Variants in AP2B1 observed in about 807,000 individuals in gnomAD.
AP2B1 encodes the protein AP-2 complex subunit beta.
A neutral mutation model predicts 102.0 loss-of-function variants in AP2B1; 23 were observed. The ratio of observed to expected loss-of-function variants is 0.23; its 90% CI spans 0.16 to 0.32. AP2B1 has a LOEUF of 0.32. AP2B1 is among the 10% of genes least tolerant of loss of function. The probability of loss-of-function intolerance (pLI) is 1.00; values close to 1 mark genes in which losing one functional copy is unlikely to be tolerated. For synonymous variants in AP2B1, 381 were observed against 421.2 expected (o/e 0.90, Z 1.17); for missense variants, 541 against 1,157.4 (o/e 0.47, Z 7.73).
intron 1 of AP2B1, chr17:35,587,973 T>C (rs1464832505): frequency 1.3e-5 from 2 of 152,104 alleles, no homozygotes; most frequent in Admixed American, 1.3e-4. Flanking sequence ...AGAAGAGGCA[T>C]TCCTTACTCT....
intron 18 of AP2B1, among the ~76,000 whole-genome samples, chr17:35,707,242 T>C (rs1185069462): frequency 6.6e-6 from 1 of 150,508 alleles, no homozygotes; most frequent in Non-Finnish European, 1.5e-5. Context: ...CAGCCTTGCC[T>C]CCCAGGTTCA....
chr17:35,658,632 A>C (rs1398416272), intron 14 of AP2B1, among the ~76,000 whole-genome samples: 1 of 152,206 alleles, frequency 6.6e-6, no homozygotes. Context: ...AGACCCTTGC[A>C]AAAGAGATTT....
chr17:35,664,548 T>G (rs1458585001), intron 14 of AP2B1, among the ~76,000 whole-genome samples: 1 of 152,214 alleles, frequency 6.6e-6, no homozygotes, highest in Non-Finnish European at 1.5e-5. Flanking sequence ...CCTAATAAAA[T>G]GATTCACTTC....
chr17:35,624,468 G>A lies in AP2B1; in HGVS notation c.597G>A (p.Leu199=), dbSNP rs141661445. The A allele has an allele frequency of 9.0e-3, 14,547 of 1,614,120 alleles. 78 individuals are homozygous for A. The highest frequency in any genetic ancestry group is 0.011 in the Non-Finnish European group (13,144 of 1,179,996). ...ACCCAAACAGCAACTTACTTGATCTGAACCCACAGAACATTAATAAGCTGC... is the reference window on the plus strand; with the variant it reads ...ACCCAAACAGCAACTTACTTGATCTAAACCCACAGAACATTAATAAGCTGC... ...ESHPNSNLLD[L]NPQNINKLLT... The change falls in exon 6 of 22, where the codon CTG becomes CTA. Residue 199 remains leucine (L), a synonymous_variant. Transcript: ENST00000610402.
At chr17:35,649,936 T>G (rs886461254) in intron 12 of AP2B1, among the ~76,000 whole-genome samples, 2 of 151,798 alleles carry the variant, frequency 1.3e-5, no homozygotes, top group Non-Finnish European at 2.9e-5. Flanking sequence ...GCCCTGATAA[T>G]TTTTGTACTT....
rs868155969 is a variant in AP2B1 at position 35,701,017 on chromosome 17, G to A, written c.2455-8207G>A. 6.6e-5 allele frequency among the ~76,000 whole-genome samples: 10 copies of A among 152,188 alleles called. No individual in the cohort carries two copies. The South Asian group carries it at 1.9e-3, about 28-fold the overall frequency. The stretch of plus-strand genomic sequence containing the variant: ...ATCTTCTTGGTACCATCTGTGATCT[G>A]CTTTGGGCATTCTCAAAGCAGAAGC... On this transcript the variant is annotated intron_variant, in intron 18 of 21. Transcript: ENST00000610402.
intron 14 of AP2B1, chr17:35,659,943 A>G (rs2075320604): frequency 1.0e-6 from 1 of 985,420 alleles, no homozygotes; most frequent in Non-Finnish European, 1.2e-6. Context: ...AGGAAGACCT[A>G]AATTTGCCTG....
chr17:35,658,503 G>T (rs114303899), intron 14 of AP2B1, among the ~76,000 whole-genome samples: 1 of 152,014 alleles, frequency 6.6e-6, no homozygotes, highest in Non-Finnish European at 1.5e-5. Flanking sequence ...CAAGATAAAT[G>T]AATTTTAAGG....
At chr17:35,702,503 G>C (rs1337982805) in intron 18 of AP2B1, among the ~76,000 whole-genome samples, 1 of 152,226 alleles carries the variant, frequency 6.6e-6, no homozygotes, top group Non-Finnish European at 1.5e-5. Context: ...CGACCTCAGA[G>C]AGGTTGGAGG....
chr17:35,688,154 C>T (rs1304434681), intron 18 of AP2B1, among the ~76,000 whole-genome samples: 1 of 152,212 alleles, frequency 6.6e-6, no homozygotes, highest in Non-Finnish European at 1.5e-5. Context: ...CTCTCCTACT[C>T]AGGATCTCCT....
At chr17:35,664,754 G>C (rs147944771) in intron 14 of AP2B1, among the ~76,000 whole-genome samples, 2 of 152,140 alleles carry the variant, frequency 1.3e-5, no homozygotes, top group African/African-American at 4.8e-5. Flanking sequence ...GCTTACATTC[G>C]CGTAGGGGAG....
At chr17:35,631,587 T>C (rs2142628774) in intron 9 of AP2B1, among the ~76,000 whole-genome samples, 2 of 152,234 alleles carry the variant, frequency 1.3e-5, no homozygotes, top group South Asian at 4.2e-4. Context: ...ACTAGTAATA[T>C]CATGGACATT....
intron 21 of AP2B1, 150 bp downstream of exon 21, chr17:35,717,499 C>G: frequency 1.2e-6 from 1 of 868,684 alleles, no homozygotes; most frequent in Non-Finnish European, 1.8e-6. Flanking sequence ...TTCCATTTGC[C>G]TCAATGGAAG....
chr17:35,622,147 C>T (rs2142530564), intron 5 of AP2B1, among the ~76,000 whole-genome samples: 1 of 152,258 alleles, frequency 6.6e-6, no homozygotes, highest in South Asian at 2.1e-4. Context: ...AAAATTAAGT[C>T]AGAAAAGAGC....
At chr17:35,690,619 C>G (rs1039716284) in intron 18 of AP2B1, among the ~76,000 whole-genome samples, 1 of 152,168 alleles carries the variant, frequency 6.6e-6, no homozygotes, top group East Asian at 1.9e-4. Context: ...TTAATCCTCT[C>G]GTTTTTAACA....
chr17:35,684,535 G>C (rs916369239), intron 18 of AP2B1, among the ~76,000 whole-genome samples: 1 of 152,186 alleles, frequency 6.6e-6, no homozygotes, highest in African/African-American at 2.4e-5. Context: ...CACAGTAGTT[G>C]ACTGCCTTTT....
intron 18 of AP2B1, among the ~76,000 whole-genome samples, chr17:35,693,806 A>G (rs1421478290): frequency 1.3e-5 from 2 of 152,162 alleles, no homozygotes; most frequent in East Asian, 1.9e-4. Flanking sequence ...AGTAATATGT[A>G]TATGTATATG....
At chr17:35,659,927 A>G (rs1598206009) in intron 14 of AP2B1, 4 of 985,432 alleles carry the variant, frequency 4.1e-6, no homozygotes, top group East Asian at 1.1e-4. Flanking sequence ...TTTCGAGAAC[A>G]TCACAAGGAA....
chr17:35,675,994 A>G (rs951821487), intron 17 of AP2B1, among the ~76,000 whole-genome samples: 1 of 152,142 alleles, frequency 6.6e-6, no homozygotes, highest in African/African-American at 2.4e-5. Context: ...CTTTAAATCT[A>G]TAGGTTCCTC....
Sources: gnomAD v4.1 joint callset for allele counts (sites outside exome capture counted in the v4.1 genomes callset) on GRCh38, gnomAD v4.1.1 for gene constraint, MANE v1.5 for transcripts, NCBI Gene and HGNC (gene_info 2026-07-23, HGNC 2026-07-21) for gene names.